Variants in DKK3 observed in about 807,000 individuals in gnomAD.
DKK3 encodes dickkopf-related protein 3.
A neutral mutation model predicts 33.2 loss-of-function variants in DKK3; 22 were observed. The ratio of observed to expected loss-of-function variants is 0.66; its 90% CI spans 0.47 to 0.95. The LOEUF (loss-of-function observed/expected upper bound fraction) is 0.95, where lower values mean the gene tolerates loss of function less well. Ranked by LOEUF, DKK3 falls within the 40% of genes least tolerant of loss-of-function variation. DKK3 has a pLI of 0.00. For missense variants in DKK3, 398 were observed against 458.4 expected, an observed-to-expected ratio of 0.87 and a Z score of 1.20; for synonymous variants, 194 against 188.8, an observed-to-expected ratio of 1.03 and a Z score of -0.23.
At chr11:12,003,943 G>T (rs1008767071) in intron 1 of DKK3, among the ~76,000 whole-genome samples, 6 of 152,122 alleles carry the variant, frequency 3.9e-5, no homozygotes. Context: ...AGGCAGAAAG[G>T]CTCAACAAGG....
intron 3 of DKK3, among the ~76,000 whole-genome samples, chr11:11,994,269 A>G (rs1055251966): frequency 1.3e-5 from 2 of 151,846 alleles, no homozygotes; most frequent in South Asian, 2.1e-4. Flanking sequence ...GCCTTTATAA[A>G]CCTTGCCACA....
At chr11:11,974,409 C>T (rs761399688) in intron 3 of DKK3, among the ~76,000 whole-genome samples, 4 of 152,156 alleles carry the variant, frequency 2.6e-5, no homozygotes, top group African/African-American at 4.8e-5. Context: ...AATTTATTGG[C>T]TCATGGTTCT....
intron 3 of DKK3, among the ~76,000 whole-genome samples, chr11:11,987,519 G>C (rs1848095618): frequency 6.6e-6 from 1 of 152,202 alleles, no homozygotes; most frequent in Non-Finnish European, 1.5e-5. Flanking sequence ...GTCAGTTGCT[G>C]CTTGGAAGTG....
At position 11,977,486 on chromosome 11, in the gene DKK3, C is replaced by T. The variant is rs117601167; in HGVS notation, c.436-8999G>A. ...TGGCATTTCCTCTGGAGAAGTTAGA[C>T]GCATATTTAACTCCAAAGGAAGCAG... On this transcript the variant is annotated intron_variant, in intron 3 of 6. Coordinates refer to ENST00000683431, the MANE Select transcript of DKK3 (RefSeq NM_001018057.2). 3.9e-3 allele frequency among the ~76,000 whole-genome samples: 599 copies of T among 152,068 alleles called. 3 individuals carry two copies. Among genetic ancestry groups the T allele is most frequent in the Middle Eastern group, 0.01 (3 of 294 alleles).
intron 3 of DKK3, among the ~76,000 whole-genome samples, chr11:11,980,613 G>A (rs957732571): frequency 1.3e-5 from 2 of 152,134 alleles, no homozygotes; most frequent in Non-Finnish European, 2.9e-5. Flanking sequence ...GAGCAGCACA[G>A]ATGTCTCCTC....
intron 5 of DKK3, 80 bp downstream of exon 5, chr11:11,966,874 G>T (rs1169952624): frequency 1.9e-6 from 3 of 1,562,700 alleles, no homozygotes; most frequent in South Asian, 1.2e-5. Flanking sequence ...CATGTGGTTG[G>T]CATGGACGTG....
upstream of DKK3, chr11:12,009,197 G>T: frequency 1.0e-6 from 1 of 985,310 alleles, no homozygotes; most frequent in Non-Finnish European, 1.2e-6. Flanking sequence ...TTGCGCTGCG[G>T]GCCGGACTGG....
chr11:11,989,133 C>T (rs1479262994), intron 3 of DKK3, among the ~76,000 whole-genome samples: 2 of 152,208 alleles, frequency 1.3e-5, no homozygotes, highest in African/African-American at 4.8e-5. Context: ...CTATGGAAAA[C>T]AGTATGGTGT....
intron 3 of DKK3, among the ~76,000 whole-genome samples, chr11:11,997,658 C>A (rs1256785193): frequency 6.6e-6 from 1 of 152,088 alleles, no homozygotes; most frequent in Admixed American, 6.5e-5. Flanking sequence ...CACAGTTCCT[C>A]CCCCCACCCC....
intron 3 of DKK3, among the ~76,000 whole-genome samples, chr11:11,974,344 C>G (rs1847788274): frequency 6.6e-6 from 1 of 152,202 alleles, no homozygotes; most frequent in African/African-American, 2.4e-5. Context: ...CCATCTTAGT[C>G]CATTTTTGCT....
intron 6 of DKK3, 145 bp from the exon 7 acceptor site, chr11:11,964,831 C>T (rs530139487): frequency 3.5e-5 from 50 of 1,441,204 alleles, no homozygotes; most frequent in South Asian, 9.8e-5. Flanking sequence ...CTTCACTTCC[C>T]GTCAACATCT....
At chr11:11,981,598 C>T (rs1214052684) in intron 3 of DKK3, among the ~76,000 whole-genome samples, 1 of 152,142 alleles carries the variant, frequency 6.6e-6, no homozygotes, top group Non-Finnish European at 1.5e-5. Context: ...CAGGTATCAC[C>T]AATGCTTACG....
Position 11,971,697 on chromosome 11 carries a change from T to C in DKK3, c.436-3210A>G, listed in dbSNP as rs534891092. Among the ~76,000 whole-genome samples the C allele has an allele frequency of 4.2e-4, 64 of 152,322 alleles. No homozygotes were observed. In the South Asian group the frequency reaches 0.013, roughly 31 times the overall value. On this transcript the variant is annotated intron_variant, in intron 3 of 6. Transcript: ENST00000683431. ...AAGATTCTTCTAGCATCAATTCCTA[T>C]AAGACCCTGCTGTTTACAATTATCC...
At chr11:12,009,066 C>T (rs1848605637), upstream of DKK3, 3 of 986,886 alleles carry the variant, frequency 3.0e-6, no homozygotes, top group Non-Finnish European at 1.2e-6. Context: ...CAGGTCAGCC[C>T]CCTCCCCTTG....
intron 3 of DKK3, among the ~76,000 whole-genome samples, chr11:11,972,419 C>T (rs1018877010): frequency 9.2e-5 from 14 of 152,226 alleles, no homozygotes; most frequent in Non-Finnish European, 1.9e-4. Flanking sequence ...CCTGACTTAT[C>T]TACATCCTGA....
At chr11:11,966,686 G>A (rs1453087895) in intron 5 of DKK3, among the ~76,000 whole-genome samples, 4 of 152,216 alleles carry the variant, frequency 2.6e-5, no homozygotes, top group African/African-American at 9.6e-5. Context: ...GGGAGGGAGG[G>A]GGCTGCTAGT....
chr11:11,993,734 G>A (rs1311399729), intron 3 of DKK3, among the ~76,000 whole-genome samples: 6 of 152,120 alleles, frequency 3.9e-5, no homozygotes, highest in Non-Finnish European at 5.9e-5. Flanking sequence ...TATAAATCTC[G>A]AAACACAAAT....
At chr11:11,995,807 C>T (rs183509116) in intron 3 of DKK3, among the ~76,000 whole-genome samples, 167 of 152,348 alleles carry the variant, frequency 1.1e-3, no homozygotes, top group African/African-American at 3.8e-3. Flanking sequence ...ACAACAAAGA[C>T]GTCAGACCAC....
chr11:11,982,719 C>T (rs1358506197), intron 3 of DKK3, among the ~76,000 whole-genome samples: 1 of 152,162 alleles, frequency 6.6e-6, no homozygotes, highest in South Asian at 2.1e-4. Context: ...CAAGTGAGGA[C>T]GATGTCCCGC....
Sources: allele counts gnomAD v4.1 joint callset (sites outside exome capture counted in the v4.1 genomes callset), GRCh38; gene constraint gnomAD v4.1.1; transcripts MANE v1.5; gene names NCBI Gene and HGNC (gene_info 2026-07-23, HGNC 2026-07-21).